Variants in CUX1 observed in about 807,000 individuals in gnomAD.
CUX1 encodes protein CASP.
Under a neutral mutation model 158.8 loss-of-function variants are expected in CUX1, and 31 were observed. The ratio of observed to expected loss-of-function variants is 0.20; its 90% CI spans 0.15 to 0.26. CUX1 has a LOEUF of 0.26. Ranked by LOEUF, CUX1 falls within the 10% of genes least tolerant of loss-of-function variation. The probability of loss-of-function intolerance (pLI) is 1.00; values close to 1 mark genes in which losing one functional copy is unlikely to be tolerated. For missense variants in CUX1, 1,589 were observed against 2,014.6 expected, an observed-to-expected ratio of 0.79 and a Z score of 4.04; for synonymous variants, 879 against 862.1, an observed-to-expected ratio of 1.02 and a Z score of -0.34.
At chr7:101,848,693 GC>G (rs1795957665) in intron 1 of CUX1, among the ~76,000 whole-genome samples, 1 of 151,844 alleles carries the variant, frequency 6.6e-6, no homozygotes, top group Admixed American at 6.6e-5. Context: ...ATTTCTAGTA[GC>G]TTTGTTAAGT....
In CUX1 at chr7:101,817,666, G is replaced by T; in HGVS notation, c.27G>T (p.Leu9Phe). The T allele has an allele frequency of 6.4e-7, 1 of 1,552,168 alleles. No individual in the cohort carries two copies. The highest frequency in any genetic ancestry group is 8.7e-7 in the Non-Finnish European group (1 of 1,147,780). The change falls in exon 1 of 24, where the codon TTG (leucine) becomes TTT (phenylalanine). Residue 9 changes from leucine (L) to phenylalanine (F), a missense_variant. By Grantham distance (22) the Leu-to-Phe change is conservative (BLOSUM62 0). Around this residue, in one of 8 missense-constraint regions of CUX1, gnomAD observed 63 missense variants for 109.2 expected, o/e 0.58. Transcript: ENST00000292535. The surrounding 1 kb of genome is among the most constrained non-coding windows in gnomAD (Gnocchi z 4.1). Reference protein sequence around the residue: MLCVAGARLKRELDATATV... With the variant: MLCVAGARFKRELDATATV... ...TGTTGTGCGTAGCCGGAGCCAGGTT[G>T]AAGGTGAGCGGCGTGTGGGCCAGAA...
chr7:101,837,761 G>A (rs1483851833), intron 1 of CUX1, among the ~76,000 whole-genome samples: 2 of 145,678 alleles, frequency 1.4e-5, no homozygotes, highest in Admixed American at 1.4e-4. Context: ...AAGCCGGGAG[G>A]TCGAAGGTGC....
intron 1 of CUX1, among the ~76,000 whole-genome samples, chr7:101,834,393 G>A (rs1794403488): frequency 6.6e-6 from 1 of 151,714 alleles, no homozygotes; most frequent in Non-Finnish European, 1.5e-5. Context: ...AGGCTGGTCT[G>A]GAACTCCTGA....
rs969229074 is a variant in CUX1 at position 101,992,038 on chromosome 7, CAGT to C, written c.142-36057_142-36055del. 7.4e-4 allele frequency among the ~76,000 whole-genome samples: 112 copies of C among 152,310 alleles called. 1 individual carries two copies. Among genetic ancestry groups the C allele is most frequent in the African/African-American group, 2.6e-3 (110 of 41,570 alleles). ...GAGATTCCGTTTCAAAAATATGTAT[CAGT>C]AGGTTAATCTAGACTTTGTTTACAT... On this transcript the variant is annotated intron_variant, in intron 2 of 23. Coordinates refer to ENST00000292535, the MANE Select transcript of CUX1 (RefSeq NM_181552.4).
At chr7:102,077,514 AC>A (rs1188740280) in intron 4 of CUX1, among the ~76,000 whole-genome samples, 5 of 129,146 alleles carry the variant, frequency 3.9e-5, no homozygotes, top group Admixed American at 3.8e-4. Context: ...ACATAGCAAA[AC>A]CCCCCATCTC....
At chr7:102,044,412 A>T (rs1822495442) in intron 3 of CUX1, among the ~76,000 whole-genome samples, 1 of 150,126 alleles carries the variant, frequency 6.7e-6, no homozygotes, top group Non-Finnish European at 1.5e-5. Flanking sequence ...CTGGTCTCGA[A>T]CTCCTGACCT....
intron 3 of CUX1, among the ~76,000 whole-genome samples, chr7:102,032,062 A>C (rs957796838): frequency 3.3e-5 from 5 of 151,768 alleles, no homozygotes; most frequent in African/African-American, 1.2e-4. Flanking sequence ...AGTAGCTAGG[A>C]CCACAGGCTC....
intron 2 of CUX1, among the ~76,000 whole-genome samples, chr7:101,999,181 G>A (rs553519254): frequency 8.3e-4 from 120 of 145,154 alleles, no homozygotes; most frequent in African/African-American, 2.8e-3. Context: ...CCACTCTCTA[G>A]GGATTTTTAT....
chr7:102,235,380 C>G (rs1242835976), intron 22 of CUX1, among the ~76,000 whole-genome samples: 6 of 152,166 alleles, frequency 3.9e-5, no homozygotes, highest in Non-Finnish European at 7.4e-5. Context: ...CCCTGATCAG[C>G]TAACGCAGAG....
In CUX1 at chr7:101,841,922, T is replaced by C. The variant is rs1795230163; in HGVS notation, c.30+24253T>C. On this transcript the variant is annotated intron_variant, in intron 1 of 23. Transcript: ENST00000292535. ...TTTTGGATAAATCTATTCAAAACTG[T>C]AACATTTCTGCTAAGTATTATTTTA... Among the ~76,000 whole-genome samples, 3 of 152,228 alleles carry C rather than the reference T, an allele frequency of 2.0e-5. No homozygotes were observed. The South Asian group carries it at 6.2e-4, about 31-fold the overall frequency.
chr7:102,082,418 C>G (rs1260205228), intron 4 of CUX1, among the ~76,000 whole-genome samples: 4 of 146,750 alleles, frequency 2.7e-5, no homozygotes, highest in African/African-American at 7.3e-5. Flanking sequence ...CCCAGCTACT[C>G]AGGAGGCTGA....
intron 1 of CUX1, among the ~76,000 whole-genome samples, chr7:101,871,204 G>T (rs548715805): frequency 7.9e-5 from 12 of 152,144 alleles, no homozygotes; most frequent in African/African-American, 2.9e-4. Flanking sequence ...GCTCTGCCCG[G>T]GAATACCTGG....
At chr7:102,078,312 G>A (rs1455128632) in intron 4 of CUX1, among the ~76,000 whole-genome samples, 1 of 152,182 alleles carries the variant, frequency 6.6e-6, no homozygotes, top group Non-Finnish European at 1.5e-5. Context: ...CTAGGCTCAA[G>A]CAATCCTCCC....
intron 1 of CUX1, among the ~76,000 whole-genome samples, chr7:101,831,734 T>TTTATTA (rs10654094): frequency 0.013 from 1,912 of 147,360 alleles, 47 homozygotes; most frequent in African/African-American, 0.045. Context: ...GAGAAATAAC[T>TTTATTA]TTATTATTAT....
chr7:101,831,512 G>A (rs547227688), intron 1 of CUX1, among the ~76,000 whole-genome samples: 20 of 152,006 alleles, frequency 1.3e-4, no homozygotes, highest in Non-Finnish European at 1.9e-4. Context: ...GGCTGGTCTC[G>A]AACTCCTGAC....
At chr7:102,070,310 T>G (rs377612) in intron 3 of CUX1, 29 bp from the exon 4 acceptor site, 6 of 1,584,378 alleles carry the variant, frequency 3.8e-6, no homozygotes, top group Non-Finnish European at 5.2e-6. Flanking sequence ...GCTCTTTGTT[T>G]TTCTTTTCTT....
Position 102,085,939 on chromosome 7 carries a change from T to G in CUX1, c.269-11425T>G, listed in dbSNP as rs1355942986. Among the ~76,000 whole-genome samples the G allele has an allele frequency of 5.3e-5, 8 of 152,318 alleles. No homozygotes were observed. In the East Asian group the frequency reaches 1.5e-3, roughly 29 times the overall value. ...AGTTTTTAAATTACAAATTAACTTC[T>G]TTAACAGATGCAAGGCTATTAAGTT... is the stretch of plus-strand genomic sequence containing the variant. On this transcript the variant is annotated intron_variant, in intron 4 of 23. Coordinates refer to ENST00000292535, the MANE Select transcript of CUX1 (RefSeq NM_181552.4).
Position 102,249,371 on chromosome 7 carries a change from C to T in CUX1, c.*329C>T. ...CGCCCTGCGGGCCACAGGGCAAAAT[C>T]GCCATAGGCCAAGGTGCATATAGAA... On this transcript the variant is annotated 3_prime_UTR_variant, in exon 24 of 24. Transcript: ENST00000292535. 1.0e-6 allele frequency: 1 copy of T among 997,842 alleles called. No homozygotes were observed. Among genetic ancestry groups the T allele is most frequent in the African/African-American group, 1.7e-5 (1 of 57,682 alleles). 61.8% of individuals were successfully genotyped at this position (997,842 alleles called of 1,614,324 possible). A position where few individuals can be genotyped will look rare whatever the true frequency, so the allele number is the denominator to read the frequency against.
At chr7:101,973,848 A>G (rs562508349) in intron 2 of CUX1, among the ~76,000 whole-genome samples, 1 of 148,448 alleles carries the variant, frequency 6.7e-6, no homozygotes, top group East Asian at 2.0e-4. Flanking sequence ...AGCTCACGGC[A>G]ACCTCCACCT....
Sources: gnomAD v4.1 joint callset for allele counts (sites outside exome capture counted in the v4.1 genomes callset) on GRCh38, gnomAD v4.1.1 for gene constraint, gnomAD v4.1.1 regional missense constraint, Gnocchi (gnomAD v3.1) non-coding constraint, MANE v1.5 for transcripts, NCBI Gene and HGNC (gene_info 2026-07-23, HGNC 2026-07-21) for gene names.